DRC8: variants seen among roughly 807,000 people sequenced by gnomAD.
DRC8 encodes the protein dynein regulatory complex protein 8.
the DRC8 span, among the ~76,000 whole-genome samples, chr1:245,066,135 A>G: frequency 6.6e-6 from 1 of 151,870 alleles, no homozygotes; most frequent in Non-Finnish European, 1.5e-5. Flanking sequence ...TTTTATTCCC[A>G]TTATATTTTT....
At chr1:245,015,490 A>G in the DRC8 span, among the ~76,000 whole-genome samples, 1 of 151,860 alleles carries the variant, frequency 6.6e-6, no homozygotes, top group Non-Finnish European at 1.5e-5. Flanking sequence ...GCGGGTGGAT[A>G]ATGAGGTTAG....
chr1:245,073,753 A>G, the DRC8 span, among the ~76,000 whole-genome samples: 1 of 152,184 alleles, frequency 6.6e-6, no homozygotes, highest in African/African-American at 2.4e-5. Context: ...ATAGCATTGT[A>G]TTAATGAATA....
chr1:245,059,521 A>G, the DRC8 span: 1 of 1,411,148 alleles, frequency 7.1e-7, no homozygotes, highest in Non-Finnish European at 9.8e-7. Flanking sequence ...CCTTGTAATT[A>G]AAAACAATCC....
chr1:245,081,018 C>A, the DRC8 span, among the ~76,000 whole-genome samples: 1 of 152,116 alleles, frequency 6.6e-6, no homozygotes, highest in African/African-American at 2.4e-5. Flanking sequence ...TGTCTCATTA[C>A]CTTCTACTCA....
At chr1:245,093,774 G>A in the DRC8 span, among the ~76,000 whole-genome samples, 1 of 151,968 alleles carries the variant, frequency 6.6e-6, no homozygotes, top group Non-Finnish European at 1.5e-5. Flanking sequence ...ACCTAGTTCT[G>A]TGGAGAAGGA....
At chr1:245,002,008 AT>A in the DRC8 span, 1 of 767,392 alleles carries the variant, frequency 1.3e-6, no homozygotes, top group South Asian at 1.7e-5. Context: ...CCTTTCTCAG[AT>A]TTTGCTTTGA....
chr1:244,989,765 C>A, the DRC8 span, among the ~76,000 whole-genome samples: 1,804 of 152,230 alleles, frequency 0.012, 16 homozygotes, highest in Non-Finnish European at 0.021. Context: ...ATTTGAAATT[C>A]TTCTGAACAG....
the DRC8 span, among the ~76,000 whole-genome samples, chr1:244,987,427 A>G: frequency 6.6e-6 from 1 of 151,388 alleles, no homozygotes; most frequent in African/African-American, 2.4e-5. Flanking sequence ...CTGGTTTCGA[A>G]CTCCTGACCT....
At chr1:244,995,275 C>T in the DRC8 span, among the ~76,000 whole-genome samples, 22 of 151,986 alleles carry the variant, frequency 1.4e-4, no homozygotes, top group East Asian at 3.1e-3. Flanking sequence ...TCAGGAGAAT[C>T]GCTTGAATCC....
chr1:245,076,752 T>C, the DRC8 span, among the ~76,000 whole-genome samples: 1 of 152,140 alleles, frequency 6.6e-6, no homozygotes, highest in African/African-American at 2.4e-5. Context: ...GTTTGTGTTT[T>C]TTTGGAGACA....
At chr1:245,081,944 A>G in the DRC8 span, 1 of 651,510 alleles carries the variant, frequency 1.5e-6, no homozygotes, top group Admixed American at 2.5e-5. Context: ...AAAGTAAAGG[A>G]CCATCTCTGT....
chr1:245,121,666 T>C, the DRC8 span, among the ~76,000 whole-genome samples: 1 of 152,082 alleles, frequency 6.6e-6, no homozygotes, highest in Non-Finnish European at 1.5e-5. Flanking sequence ...TTCCCTAAAG[T>C]GTATGTGCTG....
the DRC8 span, among the ~76,000 whole-genome samples, chr1:245,017,488 T>C: frequency 6.6e-6 from 1 of 152,210 alleles, no homozygotes; most frequent in Non-Finnish European, 1.5e-5. Flanking sequence ...AGCTATTGCT[T>C]TGATAAGTAC....
the DRC8 span, among the ~76,000 whole-genome samples, chr1:245,018,278 G>C: frequency 3.3e-5 from 5 of 151,882 alleles, no homozygotes; most frequent in Non-Finnish European, 5.9e-5. Flanking sequence ...AGGAGGCCGG[G>C]CTAAATGAGG....
the DRC8 span, among the ~76,000 whole-genome samples, chr1:245,098,096 A>G: frequency 6.6e-6 from 1 of 152,080 alleles, no homozygotes; most frequent in African/African-American, 2.4e-5. Flanking sequence ...TGGATTTGGG[A>G]TCTATTTGGA....
At chr1:245,039,022 T>A in the DRC8 span, among the ~76,000 whole-genome samples, 1 of 148,444 alleles carries the variant, frequency 6.7e-6, no homozygotes, top group Admixed American at 6.9e-5. Flanking sequence ...AAATTTCCAT[T>A]TCTTGACCAC....
the DRC8 span, among the ~76,000 whole-genome samples, chr1:245,114,625 C>T: frequency 6.6e-6 from 1 of 152,126 alleles, no homozygotes; most frequent in East Asian, 1.9e-4. Context: ...TTCACCGATG[C>T]GTGAACAGCC....
chr1:244,996,525 G>A, the DRC8 span, among the ~76,000 whole-genome samples: 2 of 152,036 alleles, frequency 1.3e-5, no homozygotes, highest in East Asian at 3.9e-4. Context: ...TAGCCTACTG[G>A]GCACGAGTGC....
the DRC8 span, among the ~76,000 whole-genome samples, chr1:245,027,122 A>C: frequency 6.6e-6 from 1 of 152,240 alleles, no homozygotes; most frequent in South Asian, 2.1e-4. Context: ...TTATCTCTTT[A>C]CCATCTCACT....
Sources: gnomAD v4.1 joint callset for allele counts (sites outside exome capture counted in the v4.1 genomes callset) on GRCh38, gnomAD v4.1.1 for gene constraint, MANE v1.5 for transcripts, NCBI Gene and HGNC (gene_info 2026-07-23, HGNC 2026-07-21) for gene names.